Variants in PCDHGB4 observed in about 807,000 individuals in gnomAD.
PCDHGB4 encodes protocadherin gamma subfamily B, 4, also known as protocadherin gamma-B4.
PCDHGB4 carries 38 observed loss-of-function variants against 60.5 expected under a neutral mutation model. That is an observed-to-expected ratio of 0.63 (90% CI 0.48 to 0.82). PCDHGB4 has a LOEUF of 0.82. Ranked by LOEUF, PCDHGB4 falls within the 40% of genes least tolerant of loss-of-function variation. The pLI is 0.00. For synonymous variants in PCDHGB4, 456 were observed against 509.7 expected, an observed-to-expected ratio of 0.89 and a Z score of 1.42; for missense variants, 1,109 against 1,209.6, an observed-to-expected ratio of 0.92 and a Z score of 1.23.
At chr5:141,419,477 C>G (rs760970548) in intron 1 of PCDHGB4, 1 of 1,612,420 alleles carries the variant, frequency 6.2e-7, no homozygotes, top group Non-Finnish European at 8.5e-7. Flanking sequence ...CCAGGGCTCG[C>G]CCGCGCTCAG....
Position 141,432,759 on chromosome 5 carries a change from G to A in PCDHGB4, c.2397+42478G>A. 6.2e-7 allele frequency: 1 copy of A among 1,614,150 alleles called. No individual in the cohort carries two copies. The highest frequency in any genetic ancestry group is 8.5e-7 in the Non-Finnish European group (1 of 1,180,006). On this transcript the variant is annotated intron_variant, in intron 1 of 3. Coordinates refer to ENST00000519479, the MANE Select transcript of PCDHGB4 (RefSeq NM_003736.4). This position sits in a 1 kb window ranked among gnomAD's most constrained non-coding sequence, Gnocchi z 6.0. ...ACGCTCACCGTGGCCGTGGCCGACA[G>A]CATCCCCCAAGTCCTGGCGGACCTC...
chr5:141,490,042 G>C lies in PCDHGB4; in HGVS notation c.2398-4765G>C. 1 of 1,614,266 alleles carries C rather than the reference G, an allele frequency of 6.2e-7. No individual in the cohort carries two copies. Among genetic ancestry groups the C allele is most frequent in the Non-Finnish European group, 8.5e-7 (1 of 1,180,038 alleles). The stretch of plus-strand genomic sequence containing the variant: ...TCTGCTGCTCCGCCTCAATGCCACT[G>C]ATCCAGACGAGGGCACCAACGGCCA... On this transcript the variant is annotated intron_variant, in intron 1 of 3. Coordinates refer to ENST00000519479, the MANE Select transcript of PCDHGB4 (RefSeq NM_003736.4). This position sits in a 1 kb window ranked among gnomAD's most constrained non-coding sequence, Gnocchi z 5.4.
At chr5:141,400,214 C>T in intron 1 of PCDHGB4, 1 of 1,614,042 alleles carries the variant, frequency 6.2e-7, no homozygotes, top group Non-Finnish European at 8.5e-7. Context: ...GCCTTGATCT[C>T]AGTGCTCTTC....
intron 1 of PCDHGB4, chr5:141,441,629 G>T: frequency 4.5e-6 from 1 of 224,156 alleles, no homozygotes; most frequent in Non-Finnish European, 9.0e-6. Flanking sequence ...GTGACCTGGA[G>T]CCACAGGCGC....
At chr5:141,394,868 C>T in intron 1 of PCDHGB4, 1 of 1,613,828 alleles carries the variant, frequency 6.2e-7, no homozygotes, top group Non-Finnish European at 8.5e-7. Flanking sequence ...TCGACCCGAA[C>T]GATTCGAGCC....
chr5:141,477,351 G>A lies in PCDHGB4; in HGVS notation c.2398-17456G>A. 6.2e-7 allele frequency: 1 copy of A among 1,614,126 alleles called. No homozygotes were observed. The highest frequency in any genetic ancestry group is 8.5e-7 in the Non-Finnish European group (1 of 1,180,018). On this transcript the variant is annotated intron_variant, in intron 1 of 3. Transcript: ENST00000519479. This position sits in a 1 kb window ranked among gnomAD's most constrained non-coding sequence, Gnocchi z 4.9. ...AAGAATTACTTCACTTTGAAAACCA[G>A]TGCAGACCTGGATCGGGAGACTGTG...
chr5:141,454,076 T>A (rs190918056), intron 1 of PCDHGB4, among the ~76,000 whole-genome samples: 2 of 152,352 alleles, frequency 1.3e-5, no homozygotes, highest in East Asian at 3.8e-4. Flanking sequence ...TGATAATGTT[T>A]TCAGTGAAAT....
At chr5:141,419,555 G>A (rs1411289369) in intron 1 of PCDHGB4, 3 of 1,611,876 alleles carry the variant, frequency 1.9e-6, no homozygotes, top group South Asian at 1.1e-5. Context: ...GCTGTACCCT[G>A]CGCTGGGTCC....
At chr5:141,508,681 C>T (rs970069) in intron 3 of PCDHGB4, among the ~76,000 whole-genome samples, 26,289 of 151,984 alleles carry the variant, frequency 0.17, 2,539 homozygotes, top group Admixed American at 0.29. Flanking sequence ...CTCCCTTCTC[C>T]CTGCTTCTCC....
At chr5:141,415,966 C>A in intron 1 of PCDHGB4, 1 of 405,602 alleles carries the variant, frequency 2.5e-6, no homozygotes, top group East Asian at 5.2e-5. Context: ...AAACTCCAGC[C>A]CCTTAAGCAA....
At chr5:141,492,974 C>G (rs1479838959) in intron 1 of PCDHGB4, among the ~76,000 whole-genome samples, 1 of 152,244 alleles carries the variant, frequency 6.6e-6, no homozygotes, top group Non-Finnish European at 1.5e-5. Flanking sequence ...CTAACAAGTC[C>G]TGTCTCCTCT....
In PCDHGB4 at chr5:141,490,949, A is replaced by G. The variant is rs2074912; in HGVS notation, c.2398-3858A>G. On this transcript the variant is annotated intron_variant, in intron 1 of 3. Coordinates refer to ENST00000519479, the MANE Select transcript of PCDHGB4 (RefSeq NM_003736.4). The surrounding 1 kb of genome is among the most constrained non-coding windows in gnomAD (Gnocchi z 5.4). ...CCAGCTGTGCTGCACCCACGGCCAG[A>G]CTGGGAACACTCAGCCCCCCAGCGT... 0.21 allele frequency: 331,850 copies of G among 1,613,352 alleles called. 36,311 individuals carry two copies. The highest frequency in any genetic ancestry group is 0.37 in the Admixed American group (22,349 of 59,972).
intron 1 of PCDHGB4, chr5:141,408,444 G>A (rs2095109468): frequency 6.2e-6 from 10 of 1,613,960 alleles, no homozygotes; most frequent in Non-Finnish European, 7.6e-6. Context: ...GACGCGGAGA[G>A]CGGGGACTTA....
intron 1 of PCDHGB4, among the ~76,000 whole-genome samples, chr5:141,484,092 G>A (rs1594371151): frequency 6.6e-6 from 1 of 152,102 alleles, no homozygotes; most frequent in African/African-American, 2.4e-5. Flanking sequence ...AATGGTCTTC[G>A]TTGGTAATTA....
chr5:141,473,238 G>A (rs1265577738), intron 1 of PCDHGB4, among the ~76,000 whole-genome samples: 4 of 152,200 alleles, frequency 2.6e-5, no homozygotes, highest in Admixed American at 6.5e-5. Context: ...ATCCACACAA[G>A]TGAATACATA....
At chr5:141,473,750 G>A (rs777343462) in intron 1 of PCDHGB4, among the ~76,000 whole-genome samples, 3 of 152,192 alleles carry the variant, frequency 2.0e-5, no homozygotes, top group Non-Finnish European at 4.4e-5. Context: ...TGAGAACTTG[G>A]ATACTATGCA....
At position 141,419,169 on chromosome 5, in the gene PCDHGB4, C is replaced by T. The variant is rs746258255; in HGVS notation, c.2397+28888C>T. 73 of 1,613,970 alleles carry T rather than the reference C, an allele frequency of 4.5e-5. No homozygotes were observed. The highest frequency in any genetic ancestry group is 3.3e-4 in the Middle Eastern group (2 of 6,062). The stretch of plus-strand genomic sequence containing the variant: ...AAGCCTCCGTTATCCTCCAGCAAAA[C>T]CATAACCCTGCACATTACTGACGTC... On this transcript the variant is annotated intron_variant, in intron 1 of 3. Coordinates refer to ENST00000519479, the MANE Select transcript of PCDHGB4 (RefSeq NM_003736.4).
chr5:141,483,833 G>A (rs964111814), intron 1 of PCDHGB4, among the ~76,000 whole-genome samples: 1 of 152,116 alleles, frequency 6.6e-6, no homozygotes, highest in Admixed American at 6.5e-5. Flanking sequence ...CCTAGGTAAG[G>A]ACTTGGTTGA....
chr5:141,472,779 A>C (rs908169292), intron 1 of PCDHGB4, among the ~76,000 whole-genome samples: 5 of 152,012 alleles, frequency 3.3e-5, no homozygotes, highest in Non-Finnish European at 7.4e-5. Context: ...TGAGGTTGGG[A>C]GTTCAAGATC....
Sources: allele counts gnomAD v4.1 joint callset (sites outside exome capture counted in the v4.1 genomes callset), GRCh38; gene constraint gnomAD v4.1.1; non-coding constraint Gnocchi (gnomAD v3.1); transcripts MANE v1.5; gene names NCBI Gene and HGNC (gene_info 2026-07-23, HGNC 2026-07-21).